ADAM15: variants seen among roughly 807,000 people sequenced by gnomAD.
The protein encoded by ADAM15 is ADAM metallopeptidase domain 15, also known as disintegrin and metalloproteinase domain-containing protein 15.
ADAM15 carries 77 observed loss-of-function variants against 113.8 expected under a neutral mutation model. The observed-to-expected ratio is 0.68, with a 90% CI of 0.56 to 0.82. The LOEUF is 0.82. Ranked by LOEUF, ADAM15 falls within the 40% of genes least tolerant of loss-of-function variation. The probability of loss-of-function intolerance (pLI) is 0.00; values close to 1 mark genes in which losing one functional copy is unlikely to be tolerated. For synonymous variants in ADAM15, 388 were observed against 454.1 expected, an observed-to-expected ratio of 0.85 and a Z score of 1.85; for missense variants, 963 against 1,120.1, an observed-to-expected ratio of 0.86 and a Z score of 2.00.
Position 155,052,726 on chromosome 1 carries a change from G to A in ADAM15, c.135G>A (p.Glu45=). The change falls in exon 2 of 23, where the codon GAG becomes GAA. Residue 45 remains glutamate (E), a synonymous_variant. Transcript: ENST00000356955. The part of the protein sequence containing the change: ...ESEKAPREPL[E]PQVLQDDLPI... ...AGAAGGCCCCGAGGGAGCCCTTGGA[G>A]CCCCAGGTCCTTCAGGACGATCTCC... 6.2e-7 allele frequency: 1 copy of A among 1,612,536 alleles called. No individual in the cohort carries two copies. Among genetic ancestry groups the A allele is most frequent in the Non-Finnish European group, 8.5e-7 (1 of 1,179,588 alleles).
In ADAM15 at chr1:155,056,124, G is replaced by A; in HGVS notation, c.789G>A (p.Glu263=). ...LNVRVALVGL[E]AWTQRDLVEI... The stretch of plus-strand genomic sequence containing the variant: ...TACGAGTGGCACTAGTGGGCCTGGA[G>A]GCCTGGACCCAGCGTGACCTGGTGG... The change falls in exon 9 of 23, where the codon GAG becomes GAA. Residue 263 remains glutamate (E), a synonymous_variant. Transcript: ENST00000356955. The surrounding 1 kb of genome is among the most constrained non-coding windows in gnomAD (Gnocchi z 4.0). 6.2e-7 allele frequency: 1 copy of A among 1,613,956 alleles called. No homozygotes were observed. Among genetic ancestry groups the A allele is most frequent in the Non-Finnish European group, 8.5e-7 (1 of 1,180,034 alleles).
intron 2 of ADAM15, 129 bp from the exon 3 acceptor site, chr1:155,053,288 C>T (rs1661337664): frequency 3.6e-6 from 3 of 842,716 alleles, no homozygotes; most frequent in East Asian, 2.5e-5. Context: ...TTTCCTGGCC[C>T]CTCCCCTGGG....
At position 155,057,923 on chromosome 1, in the gene ADAM15, A is replaced by G. The variant is rs367974635; in HGVS notation, c.1489A>G (p.Ser497Gly). ...CDLPEFCPGD[S>G]SQCPPDVSLG... ...CTTGCCTGAATTCTGCCCAGGAGACAGCTCCCAGTGTCCCCCTGATGTCAG... is the reference window on the plus strand; with the variant it reads ...CTTGCCTGAATTCTGCCCAGGAGACGGCTCCCAGTGTCCCCCTGATGTCAG... The change falls in exon 14 of 23, where the codon AGC becomes GGC. Residue 497 changes from serine to glycine, a missense_variant. By Grantham distance (56) the Ser-to-Gly change is moderately conservative. Transcript: ENST00000356955. This position sits in a 1 kb window ranked among gnomAD's most constrained non-coding sequence, Gnocchi z 5.0. 10 of 1,612,562 alleles carry G rather than the reference A, an allele frequency of 6.2e-6. No homozygotes were observed. Among genetic ancestry groups the G allele is most frequent in the Non-Finnish European group, 8.5e-6 (10 of 1,180,010 alleles).
Position 155,056,843 on chromosome 1 carries a change from T to C in ADAM15, c.1000-110T>C. On this transcript the variant is annotated intron_variant, in intron 10 of 22. Coordinates refer to ENST00000356955, the MANE Select transcript of ADAM15 (RefSeq NM_207197.3). This position sits in a 1 kb window ranked among gnomAD's most constrained non-coding sequence, Gnocchi z 4.0. ...AATTCAGGAGGGAAGCAGTGCCTGCTGAGTGCCCACGAGGTCAGACGTGGA... is the reference window on the plus strand; with the variant it reads ...AATTCAGGAGGGAAGCAGTGCCTGCCGAGTGCCCACGAGGTCAGACGTGGA... 5.5e-6 allele frequency: 8 copies of C among 1,443,466 alleles called. No homozygotes were observed. Among genetic ancestry groups the C allele is most frequent in the Non-Finnish European group, 7.5e-6 (8 of 1,073,588 alleles). 89.4% of individuals were successfully genotyped at this position (1,443,466 alleles called of 1,614,324 possible).
In ADAM15 at chr1:155,056,906, T is replaced by TG. The variant is rs778768433; in HGVS notation, c.1000-45dup. 7 of 1,520,454 alleles carry TG rather than the reference T, an allele frequency of 4.6e-6. No homozygotes were observed. The African/African-American group carries it at 5.6e-5, about 12-fold the overall frequency. 94.2% of individuals were successfully genotyped at this position (1,520,454 alleles called of 1,614,324 possible). On this transcript the variant is annotated intron_variant, in intron 10 of 22. Coordinates refer to ENST00000356955, the MANE Select transcript of ADAM15 (RefSeq NM_207197.3). The surrounding 1 kb of genome is among the most constrained non-coding windows in gnomAD (Gnocchi z 4.0). ...AGAGAGGGTGGTCTGGGCATTGTGG[T>TG]GGAGGCAGGCTGGGACTGGACCTAC...
intron 6 of ADAM15, 198 bp from the exon 7 acceptor site, chr1:155,055,586 GTCTACT>G (rs1661646250): frequency 1.7e-6 from 1 of 604,918 alleles, no homozygotes; most frequent in Admixed American, 2.9e-5. Context: ...AAAAGCAGGG[GTCTACT>G]CCAACCTTCA....
At chr1:155,053,763 T>C (rs1238466901) in intron 3 of ADAM15, 147 bp from the exon 4 acceptor site, 3 of 892,284 alleles carry the variant, frequency 3.4e-6, no homozygotes, top group African/African-American at 1.7e-5. Context: ...CCAACCAGTA[T>C]ACTTTGCTGC....
chr1:155,051,352 C>T lies in ADAM15; in HGVS notation c.-35C>T. The T allele has an allele frequency of 6.8e-7, 1 of 1,473,284 alleles. No individual in the cohort carries two copies. Among genetic ancestry groups the T allele is most frequent in the Non-Finnish European group, 9.0e-7 (1 of 1,113,892 alleles). 91.3% of individuals were successfully genotyped at this position (1,473,284 alleles called of 1,614,324 possible). On this transcript the variant is annotated 5_prime_UTR_variant, in exon 1 of 23. Transcript: ENST00000356955. Reference sequence around the variant, plus strand: ...CCGCTCCTCCGCGCGCTGTTCCGCACTTGCTGCCCTCGCCCGGCCCGGAGC... The same window carrying T: ...CCGCTCCTCCGCGCGCTGTTCCGCATTTGCTGCCCTCGCCCGGCCCGGAGC...
chr1:155,054,024 G>C (rs1039053321), intron 4 of ADAM15, 36 bp downstream of exon 4: 1 of 1,613,634 alleles, frequency 6.2e-7, no homozygotes, highest in Non-Finnish European at 8.5e-7. Flanking sequence ...TTTGGCTTAG[G>C]GGAAAGAGGG....
At position 155,061,408 on chromosome 1, in the gene ADAM15, C is replaced by G. The variant is rs1199003950; in HGVS notation, c.2278-7C>G. 1.2e-6 allele frequency: 2 copies of G among 1,612,876 alleles called. No homozygotes were observed. Among genetic ancestry groups the G allele is most frequent in the South Asian group, 2.2e-5 (2 of 90,854 alleles). ...TCTGTGCCTATCTGCCCCTCCTGCC[C>G]TCTCAGCAGGCTAGTGCTCTCAGCT... On this transcript the variant is annotated splice_region_variant and splice_polypyrimidine_tract_variant and intron_variant, in intron 19 of 22. Coordinates refer to ENST00000356955, the MANE Select transcript of ADAM15 (RefSeq NM_207197.3).
At chr1:155,052,179 T>G (rs1571586821) in intron 1 of ADAM15, 1 of 263,692 alleles carries the variant, frequency 3.8e-6, no homozygotes, top group South Asian at 5.3e-5. Flanking sequence ...AGGCAGCGGG[T>G]GTGCCTGACT....
intron 20 of ADAM15, 21 bp downstream of exon 20, chr1:155,061,510 G>T: frequency 6.2e-7 from 1 of 1,610,564 alleles, no homozygotes; most frequent in Non-Finnish European, 8.5e-7. Context: ...GCCAGGGCCC[G>T]CCCTGAGCCA....
At chr1:155,052,866 G>A in intron 2 of ADAM15, 89 bp downstream of exon 2, 1 of 1,498,588 alleles carries the variant, frequency 6.7e-7, no homozygotes, top group South Asian at 1.3e-5. Flanking sequence ...TGGCTGAGGA[G>A]CTGGTGGGTA....
At position 155,058,088 on chromosome 1, in the gene ADAM15, AC is replaced by A. The variant is rs1662045926; in HGVS notation, c.1655del (p.Thr552IlefsTer52). The A allele has an allele frequency of 6.2e-7, 1 of 1,613,874 alleles. No individual in the cohort carries two copies. On this transcript the variant is annotated frameshift_variant, in exon 14 of 23. Coordinates refer to ENST00000356955, the MANE Select transcript of ADAM15 (RefSeq NM_207197.3). LOFTEE classifies it high-confidence loss of function. This position sits in a 1 kb window ranked among gnomAD's most constrained non-coding sequence, Gnocchi z 4.3. ...AAPLCLQTAN[T>X]RGNAFGSCGR... ...GCCACTTTGCCTCCAGACAGCTAAT[AC>A]TCGGGGAAATGCTTTTGGGAGCTGT...
At position 155,058,846 on chromosome 1, in the gene ADAM15, A is replaced by G. The variant is rs1662152997; in HGVS notation, c.1995+59A>G. 1 of 1,533,666 alleles carries G rather than the reference A, an allele frequency of 6.5e-7. No individual in the cohort carries two copies. Among genetic ancestry groups the G allele is most frequent in the East Asian group, 2.3e-5 (1 of 43,432 alleles). On this transcript the variant is annotated intron_variant, in intron 16 of 22. Transcript: ENST00000356955. The surrounding 1 kb of genome is among the most constrained non-coding windows in gnomAD (Gnocchi z 4.3). Reference sequence around the variant, plus strand: ...GAGAGCCTCTAGAGAGGAAAAGGATACTGGGCTTTGGAAATAGACATATCT... The same window carrying G: ...GAGAGCCTCTAGAGAGGAAAAGGATGCTGGGCTTTGGAAATAGACATATCT...
Position 155,052,687 on chromosome 1 carries a change from G to A in ADAM15, c.96G>A (p.Gln32=), listed in dbSNP as rs1249852019. The change falls in exon 2 of 23, where the codon CAG becomes CAA. Residue 32 remains glutamine (Q), a synonymous_variant. Transcript: ENST00000356955. ...GACCTGCAGGTGGCACTGAGGAGCA[G>A]CAGGCAGAGTCAGAGAAGGCCCCGA... ...PLPNIGGTEE[Q]QAESEKAPRE... is the part of the protein sequence containing the mutation. The A allele has an allele frequency of 6.2e-7, 1 of 1,608,828 alleles. No individual in the cohort carries two copies. Among genetic ancestry groups the A allele is most frequent in the Non-Finnish European group, 8.5e-7 (1 of 1,178,294 alleles).
Position 155,061,955 on chromosome 1 carries a change from C to G in ADAM15, c.2404C>G (p.Pro802Ala). ...NPPTRPLPAD[P>A]VVRSPKSQGP... ...CCCTACCCGCCCTCTGCCCGCTGACCCGGTGGTGAGAAGCCCGAAGGTAAC... is the reference window on the plus strand; with the variant it reads ...CCCTACCCGCCCTCTGCCCGCTGACGCGGTGGTGAGAAGCCCGAAGGTAAC... Residue 802 changes from proline (P) to alanine (A), a missense_variant, in exon 21 of 23, where the codon CCG becomes GCG. By Grantham distance (27) the Pro-to-Ala change is conservative. Coordinates refer to ENST00000356955, the MANE Select transcript of ADAM15 (RefSeq NM_207197.3). The G allele has an allele frequency of 6.3e-7, 1 of 1,588,874 alleles. No homozygotes were observed. Among genetic ancestry groups the G allele is most frequent in the Non-Finnish European group, 8.6e-7 (1 of 1,164,920 alleles).
chr1:155,057,803 G>A lies in ADAM15; in HGVS notation c.1417-48G>A, dbSNP rs765228591. The stretch of plus-strand genomic sequence containing the variant: ...GGTGGAAAGGGTCATTCTGACCCCC[G>A]GCTGGATTTGCTCAGTGCCCACACT... On this transcript the variant is annotated intron_variant, in intron 13 of 22. Transcript: ENST00000356955. This position sits in a 1 kb window ranked among gnomAD's most constrained non-coding sequence, Gnocchi z 5.0. 1.2e-5 allele frequency: 19 copies of A among 1,612,906 alleles called. No homozygotes were observed. The highest frequency in any genetic ancestry group is 6.7e-5 in the East Asian group (3 of 44,854).
chr1:155,051,730 A>AGGTAC (rs1299094438), intron 1 of ADAM15: 12 of 375,320 alleles, frequency 3.2e-5, no homozygotes, highest in African/African-American at 2.4e-4. Flanking sequence ...CTCAGGTACC[A>AGGTAC]GGTACCGAGG....
Sources: allele counts gnomAD v4.1 joint callset, GRCh38; gene constraint gnomAD v4.1.1; non-coding constraint Gnocchi (gnomAD v3.1); transcripts MANE v1.5; gene names NCBI Gene and HGNC (gene_info 2026-07-23, HGNC 2026-07-21).